The following KIAA1217 variants were observed in gnomAD, a reference collection of about 807,000 sequenced individuals.
KIAA1217 encodes the protein KIAA1217.
KIAA1217 carries 88 observed loss-of-function variants against 163.9 expected under a neutral mutation model. The ratio of observed to expected loss-of-function variants is 0.54; its 90% CI spans 0.45 to 0.64. The LOEUF (loss-of-function observed/expected upper bound fraction) is 0.64. Among genes scored for constraint, KIAA1217 ranks in the 30% least tolerant of loss-of-function variants. The pLI is 0.00. For missense variants in KIAA1217, 2,372 were observed against 2,475.0 expected (o/e 0.96, Z 0.88); for synonymous variants, 903 against 923.1 (o/e 0.98, Z 0.39).
chr10:24,400,602 C>T (rs1194470045), intron 3 of KIAA1217, among the ~76,000 whole-genome samples: 2 of 152,162 alleles, frequency 1.3e-5, no homozygotes, highest in Admixed American at 1.3e-4. Flanking sequence ...AACAATGGAC[C>T]TGGAATATTT....
chr10:24,520,681 C>CA lies in KIAA1217; in HGVS notation c.2308+429dup, dbSNP rs1232348396. ...ATATATATATATATATATATACACA[C>CA]ACACACAAAAAAAAATTAGCCAGGT... On this transcript the variant is annotated intron_variant, in intron 11 of 20. Coordinates refer to ENST00000376454, the MANE Select transcript of KIAA1217 (RefSeq NM_019590.5). Among the ~76,000 whole-genome samples the CA allele has an allele frequency of 1.7e-4, 16 of 96,836 alleles. No individual in the cohort carries two copies. In the East Asian group the frequency reaches 1.7e-3, roughly 10 times the overall value. The allele number at this position is 96,836 out of a possible 152,430, so 63.5% of individuals were successfully genotyped here. A position where few individuals can be genotyped will look rare whatever the true frequency, so the allele number is the denominator to read the frequency against.
chr10:24,019,028 T>A (rs1368565007), intron 2 of KIAA1217, among the ~76,000 whole-genome samples: 2 of 152,050 alleles, frequency 1.3e-5, no homozygotes, highest in Non-Finnish European at 2.9e-5. Context: ...AGTAGAATGG[T>A]GGCTACCAGG....
At chr10:24,212,086 G>C (rs1309977610) in intron 1 of KIAA1217, among the ~76,000 whole-genome samples, 1 of 140,118 alleles carries the variant, frequency 7.1e-6, no homozygotes, top group East Asian at 2.1e-4. Flanking sequence ...GAAGGAAAAA[G>C]AAAAAAGAAA....
At chr10:24,256,196 C>T (rs1334128320) in intron 2 of KIAA1217, among the ~76,000 whole-genome samples, 12 of 152,244 alleles carry the variant, frequency 7.9e-5, no homozygotes, top group Middle Eastern at 3.4e-3. Flanking sequence ...TGAGGTCTGG[C>T]ATGTCCCATC....
chr10:24,501,425 C>T lies in KIAA1217; in HGVS notation c.1881C>T (p.Ser627=). The T allele has an allele frequency of 1.2e-6, 2 of 1,614,056 alleles. No individual in the cohort carries two copies. The highest frequency in any genetic ancestry group is 2.7e-5 in the African/African-American group (2 of 75,036). ...SGGKMLSALE[S]TVPPSQPPPV... is the part of the protein sequence containing the mutation. Reference sequence around the variant, plus strand: ...GGAAGATGCTCAGTGCTCTGGAGTCCACGGTGCCTCCCAGCCAGCCTCCAC... The same window carrying T: ...GGAAGATGCTCAGTGCTCTGGAGTCTACGGTGCCTCCCAGCCAGCCTCCAC... The change falls in exon 9 of 21, where the codon TCC becomes TCT. Residue 627 remains serine (S), a synonymous_variant. Transcript: ENST00000376454.
chr10:24,135,733 C>T (rs1157749098), intron 2 of KIAA1217, among the ~76,000 whole-genome samples: 2 of 152,056 alleles, frequency 1.3e-5, no homozygotes, highest in Non-Finnish European at 2.9e-5. Context: ...ATTGGCAAGA[C>T]GCAGGAGACA....
chr10:24,466,251 G>A (rs1269307758), intron 5 of KIAA1217, among the ~76,000 whole-genome samples: 5 of 151,684 alleles, frequency 3.3e-5, no homozygotes, highest in Non-Finnish European at 7.4e-5. Context: ...GAGTATGTTG[G>A]GTTTTTTGAC....
At chr10:24,483,198 G>A (rs553539525) in intron 6 of KIAA1217, among the ~76,000 whole-genome samples, 2 of 152,240 alleles carry the variant, frequency 1.3e-5, no homozygotes, top group South Asian at 2.1e-4. Flanking sequence ...AAGGTCCAAG[G>A]ATGGGAGCTA....
intron 1 of KIAA1217, among the ~76,000 whole-genome samples, chr10:23,757,356 A>T (rs1241169389): frequency 6.6e-6 from 1 of 151,998 alleles, no homozygotes; most frequent in Non-Finnish European, 1.5e-5. Context: ...AAGGGTTCTA[A>T]TTTCTCTACA....
chr10:24,160,417 C>T (rs1192333686), intron 2 of KIAA1217, among the ~76,000 whole-genome samples: 1 of 151,848 alleles, frequency 6.6e-6, no homozygotes, highest in Non-Finnish European at 1.5e-5. Flanking sequence ...TTTATACTCT[C>T]GGTGTACATA....
intron 2 of KIAA1217, among the ~76,000 whole-genome samples, chr10:24,301,067 C>T (rs2132702375): frequency 6.6e-6 from 1 of 152,316 alleles, no homozygotes; most frequent in East Asian, 1.9e-4. Flanking sequence ...CCCGCCTCAG[C>T]CTCCCAAAGT....
intron 1 of KIAA1217, among the ~76,000 whole-genome samples, chr10:23,959,968 C>T (rs113301275): frequency 1.6e-4 from 23 of 140,630 alleles, no homozygotes; most frequent in East Asian, 8.4e-4. Context: ...CAGGCTGGAG[C>T]GCAGTGGTGC....
At chr10:23,939,892 A>C (rs1293365319) in intron 1 of KIAA1217, among the ~76,000 whole-genome samples, 1 of 150,408 alleles carries the variant, frequency 6.6e-6, no homozygotes, top group Non-Finnish European at 1.5e-5. Flanking sequence ...AATATAAACT[A>C]TTTATTAAAT....
intron 2 of KIAA1217, among the ~76,000 whole-genome samples, chr10:24,153,475 T>G (rs935465100): frequency 1.3e-5 from 2 of 152,214 alleles, no homozygotes; most frequent in African/African-American, 4.8e-5. Flanking sequence ...TATTTCACCT[T>G]AGTTTTAAGA....
rs553482593 is a variant in KIAA1217 at position 23,893,449 on chromosome 10, G to C, written c.-320-113776G>C. Among the ~76,000 whole-genome samples, 52 of 151,876 alleles carry C rather than the reference G, an allele frequency of 3.4e-4. No individual in the cohort carries two copies. The South Asian group carries it at 4.4e-3, about 13-fold the overall frequency. On this transcript the variant is annotated intron_variant, in intron 1 of 18. Transcript: ENST00000376462. ...GATGCTTTCAAAAAACCAGCTCCTG[G>C]ATTCTTTAATTTTTTGAAGGGTTTT...
At chr10:23,699,010 G>A (rs1480649941) in intron 1 of KIAA1217, among the ~76,000 whole-genome samples, 1 of 152,196 alleles carries the variant, frequency 6.6e-6, no homozygotes, top group East Asian at 1.9e-4. Context: ...ACAGGCATGA[G>A]CCACTGCACC....
chr10:24,171,961 A>G (rs565752849), intron 2 of KIAA1217, among the ~76,000 whole-genome samples: 1 of 152,326 alleles, frequency 6.6e-6, no homozygotes, highest in African/African-American at 2.4e-5. Context: ...TCATCCTCAC[A>G]ACATCCTCTG....
chr10:23,806,595 G>A (rs1290309378), intron 1 of KIAA1217, among the ~76,000 whole-genome samples: 4 of 151,674 alleles, frequency 2.6e-5, no homozygotes, highest in African/African-American at 4.8e-5. Context: ...TTCTTTTTTT[G>A]TATTCACATT....
chr10:23,873,814 G>GT (rs1399504567), intron 1 of KIAA1217, among the ~76,000 whole-genome samples: 8 of 151,908 alleles, frequency 5.3e-5, no homozygotes, highest in Non-Finnish European at 1.2e-4. Flanking sequence ...TTTCACCATT[G>GT]TAAGTCAGGA....
Sources: gnomAD v4.1 joint callset for allele counts (sites outside exome capture counted in the v4.1 genomes callset) on GRCh38, gnomAD v4.1.1 for gene constraint, MANE v1.5 for transcripts, NCBI Gene and HGNC (gene_info 2026-07-23, HGNC 2026-07-21) for gene names.